Variants in TMTC2 observed in about 807,000 individuals in gnomAD.
TMTC2 encodes the protein protein O-mannosyl-transferase TMTC2.
In TMTC2, 43 loss-of-function variants were observed where a neutral mutation model predicts 82.4. The observed-to-expected ratio is 0.52, with a 90% CI of 0.41 to 0.67. TMTC2 has a LOEUF of 0.67. Ranked by LOEUF, TMTC2 falls within the 30% of genes least tolerant of loss-of-function variation. The probability of loss-of-function intolerance (pLI) is 0.00; values close to 1 mark genes in which losing one functional copy is unlikely to be tolerated. For synonymous variants in TMTC2, 408 were observed against 381.9 expected, an observed-to-expected ratio of 1.07 and a Z score of -0.80; for missense variants, 919 against 1,012.4, an observed-to-expected ratio of 0.91 and a Z score of 1.25.
chr12:82,992,900 T>C (rs559984897), intron 8 of TMTC2, among the ~76,000 whole-genome samples: 1 of 152,318 alleles, frequency 6.6e-6, no homozygotes, highest in Admixed American at 6.5e-5. Context: ...TCAAATTCTT[T>C]TGAGTATGCC....
intron 1 of TMTC2, among the ~76,000 whole-genome samples, chr12:82,718,743 A>G (rs1476280012): frequency 1.3e-5 from 2 of 152,106 alleles, no homozygotes; most frequent in African/African-American, 4.8e-5. Context: ...TATTTCTGAT[A>G]TGTTTTACTT....
intron 1 of TMTC2, among the ~76,000 whole-genome samples, chr12:82,744,150 G>A (rs113474788): frequency 0.022 from 3,420 of 152,222 alleles, 131 homozygotes; most frequent in African/African-American, 0.078. Flanking sequence ...AGCCGGGCAC[G>A]GTGGCTCATG....
chr12:82,824,474 T>G (rs1008092452), intron 1 of TMTC2, among the ~76,000 whole-genome samples: 2 of 152,232 alleles, frequency 1.3e-5, no homozygotes. Flanking sequence ...AGTAAAAATG[T>G]GTTTCAATAA....
intron 8 of TMTC2, among the ~76,000 whole-genome samples, chr12:82,989,797 A>G (rs188731691): frequency 2.9e-4 from 43 of 150,692 alleles, no homozygotes; most frequent in Admixed American, 2.7e-3. Context: ...ACCAAACCAT[A>G]TGGAAGGAAA....
chr12:82,719,010 T>A (rs539185251), intron 1 of TMTC2, among the ~76,000 whole-genome samples: 1 of 146,020 alleles, frequency 6.8e-6, no homozygotes, highest in South Asian at 2.1e-4. Context: ...TTCAGAAAAC[T>A]GGGTGCTAGT....
intron 1 of TMTC2, among the ~76,000 whole-genome samples, chr12:82,844,316 G>C (rs778626586): frequency 2.0e-5 from 3 of 152,158 alleles, no homozygotes; most frequent in Non-Finnish European, 4.4e-5. Flanking sequence ...CAGCACATGC[G>C]TAAAGGCAAG....
intron 7 of TMTC2, among the ~76,000 whole-genome samples, chr12:82,980,618 A>T (rs1289322419): frequency 4.1e-5 from 6 of 147,064 alleles, no homozygotes; most frequent in African/African-American, 1.5e-4. Flanking sequence ...GAAAAAAAAA[A>T]TTATAATTTG....
intron 4 of TMTC2, among the ~76,000 whole-genome samples, chr12:82,937,387 A>G (rs1224856170): frequency 6.6e-6 from 1 of 152,112 alleles, no homozygotes; most frequent in East Asian, 1.9e-4. Flanking sequence ...GTGTATTTCT[A>G]TCTTCACATC....
At chr12:82,695,615 T>G (rs574797336) in intron 1 of TMTC2, among the ~76,000 whole-genome samples, 1 of 152,334 alleles carries the variant, frequency 6.6e-6, no homozygotes, top group South Asian at 2.1e-4. Flanking sequence ...TTGTGTCTCT[T>G]GGATTAAATG....
intron 1 of TMTC2, among the ~76,000 whole-genome samples, chr12:82,733,070 AT>A (rs969905424): frequency 1.3e-5 from 2 of 151,858 alleles, no homozygotes; most frequent in African/African-American, 2.4e-5. Flanking sequence ...AGATCTCTTT[AT>A]TTTTTTTCAA....
intron 1 of TMTC2, among the ~76,000 whole-genome samples, chr12:82,821,404 T>A (rs1869101772): frequency 1.3e-5 from 2 of 152,324 alleles, no homozygotes; most frequent in South Asian, 2.1e-4. Context: ...CAACTCATGT[T>A]GGTAATGACT....
At position 82,918,924 on chromosome 12, in the gene TMTC2, A is replaced by G. The variant is rs551810119; in HGVS notation, c.1484-11507A>G. Among the ~76,000 whole-genome samples, 17 of 151,824 alleles carry G rather than the reference A, an allele frequency of 1.1e-4. No individual in the cohort carries two copies. The South Asian group carries it at 2.3e-3, about 21-fold the overall frequency. On this transcript the variant is annotated intron_variant, in intron 3 of 11. Transcript: ENST00000321196. ...AGGTGCCTGCCACCACGCCTGGCTA[A>G]TTTTTGTATTTTCAGTAGAGATGGG...
intron 8 of TMTC2, among the ~76,000 whole-genome samples, chr12:83,025,177 G>A (rs1881106821): frequency 6.8e-6 from 1 of 147,826 alleles, no homozygotes; most frequent in Non-Finnish European, 1.5e-5. Context: ...GGGTGACAGA[G>A]TGAAGCTCTT....
chr12:82,818,565 A>C (rs561681820), intron 1 of TMTC2, among the ~76,000 whole-genome samples: 1 of 152,226 alleles, frequency 6.6e-6, no homozygotes, highest in South Asian at 2.1e-4. Flanking sequence ...ATTTGTGTTT[A>C]TTTCCTGTGT....
chr12:82,782,515 T>C (rs1458560379), intron 1 of TMTC2, among the ~76,000 whole-genome samples: 2 of 152,116 alleles, frequency 1.3e-5, no homozygotes, highest in African/African-American at 2.4e-5. Context: ...CTTTGGCCAA[T>C]ACTGTCTCTA....
At chr12:82,946,817 C>G (rs867151361) in intron 4 of TMTC2, among the ~76,000 whole-genome samples, 28 of 150,476 alleles carry the variant, frequency 1.9e-4, no homozygotes, top group African/African-American at 6.6e-4. Context: ...TCTCGGCTCA[C>G]TGCAAGCTCC....
chr12:82,790,968 T>G (rs573126712), intron 1 of TMTC2, among the ~76,000 whole-genome samples: 131 of 152,200 alleles, frequency 8.6e-4, no homozygotes, highest in African/African-American at 3.0e-3. Context: ...TACCCCTGTT[T>G]AGGGGAGCCA....
At chr12:82,865,003 A>C (rs1173068756) in intron 2 of TMTC2, among the ~76,000 whole-genome samples, 1 of 149,138 alleles carries the variant, frequency 6.7e-6, no homozygotes, top group Non-Finnish European at 1.5e-5. Context: ...TCACGAGATC[A>C]GGAGTTTGAG....
At position 82,907,393 on chromosome 12, in the gene TMTC2, G is replaced by A. The variant is rs1863492572; in HGVS notation, c.1483+10747G>A. On this transcript the variant is annotated intron_variant, in intron 3 of 11. Transcript: ENST00000321196. ...CAGGATAATTGCCTGAGCCGGGCAG[G>A]TGGAGGTTGCAGTTAGTTGAGATTG... 2.0e-5 allele frequency among the ~76,000 whole-genome samples: 3 copies of A among 151,894 alleles called. No homozygotes were observed. In the South Asian group the frequency reaches 6.2e-4, roughly 32 times the overall value.
Sources: gnomAD v4.1 joint callset for allele counts (sites outside exome capture counted in the v4.1 genomes callset) on GRCh38, gnomAD v4.1.1 for gene constraint, MANE v1.5 for transcripts, NCBI Gene and HGNC (gene_info 2026-07-23, HGNC 2026-07-21) for gene names.